MTMR8: variants seen among roughly 807,000 people sequenced by gnomAD.
MTMR8 encodes the protein phosphatidylinositol-3,5-bisphosphate 3-phosphatase MTMR8.
MTMR8 carries 65 observed loss-of-function variants against 39.3 expected under a neutral mutation model. The ratio of observed to expected loss-of-function variants is 1.65; its 90% CI spans 1.35 to 2.03. The LOEUF (loss-of-function observed/expected upper bound fraction) is 2.03. Among genes scored for constraint, MTMR8 ranks in the 30% most tolerant of loss-of-function variants. MTMR8 has a pLI of 0.00. For missense variants in MTMR8, 777 were observed against 538.9 expected (o/e 1.44, Z -4.37); for synonymous variants, 245 against 185.2 (o/e 1.32, Z -2.62).
intron 1 of MTMR8, among the ~76,000 whole-genome samples, chrX:64,390,441 A>T (rs923036862): frequency 8.9e-6 from 1 of 111,770 alleles, no homozygotes; most frequent in African/African-American, 3.3e-5. Flanking sequence ...AGTTTATTAT[A>T]GTCTGAACAA....
chrX:64,278,712 T>G (rs1238885965), intron 12 of MTMR8, among the ~76,000 whole-genome samples: 3 of 110,199 alleles, frequency 2.7e-5, no homozygotes, highest in Non-Finnish European at 5.7e-5. Flanking sequence ...GACCTTGTGA[T>G]CTGCCCGCCT....
intron 1 of MTMR8, among the ~76,000 whole-genome samples, chrX:64,374,770 C>T (rs1169368047): frequency 9.0e-6 from 1 of 110,577 alleles, no homozygotes; most frequent in Non-Finnish European, 1.9e-5. Flanking sequence ...AAGATGAAAT[C>T]ATCCAGGACT....
At chrX:64,271,827 C>T (rs1931768612) in intron 12 of MTMR8, among the ~76,000 whole-genome samples, 1 of 112,073 alleles carries the variant, frequency 8.9e-6, no homozygotes, top group Non-Finnish European at 1.9e-5. Flanking sequence ...TAGGCATGTA[C>T]CACAGCTCCT....
chrX:64,310,703 A>G (rs374716340), intron 12 of MTMR8, among the ~76,000 whole-genome samples: 146 of 108,853 alleles, frequency 1.3e-3, no homozygotes, highest in East Asian at 9.9e-3. Flanking sequence ...CCCTGTGTCC[A>G]AGTGTTCTCA....
intron 4 of MTMR8, among the ~76,000 whole-genome samples, chrX:64,352,509 C>T (rs1411312542): frequency 9.0e-6 from 1 of 111,276 alleles, no homozygotes; most frequent in Non-Finnish European, 1.9e-5. Context: ...TCTTGAGATC[C>T]AAACCCAAAT....
chrX:64,370,108 A>G (rs1924088548), intron 1 of MTMR8, among the ~76,000 whole-genome samples: 1 of 111,309 alleles, frequency 9.0e-6, no homozygotes, highest in Non-Finnish European at 1.9e-5. Context: ...CTTTTCATGG[A>G]CCAATGATGA....
rs189534882 is a variant in MTMR8, at chrX:64,279,337, A to C, written c.1482-8264T>G. ...TGCAAAAATCTTCATGAAAATACTA[A>C]ACATCATACTCAATGTTGAAAGACT... On this transcript the variant is annotated intron_variant, in intron 12 of 13. Coordinates refer to ENST00000374852, the MANE Select transcript of MTMR8 (RefSeq NM_017677.4). Among the ~76,000 whole-genome samples the C allele has an allele frequency of 1.4e-3, 157 of 112,218 alleles. 1 individual carries two copies. The highest frequency in any genetic ancestry group is 4.6e-3 in the Middle Eastern group (1 of 216).
At chrX:64,315,602 CTTT>C (rs998927765) in intron 12 of MTMR8, among the ~76,000 whole-genome samples, 1 of 107,264 alleles carries the variant, frequency 9.3e-6, no homozygotes, top group Non-Finnish European at 1.9e-5. Flanking sequence ...TCTTTCCATC[CTTT>C]TTTTTTTACT....
chrX:64,320,181 T>G (rs1263242696), intron 12 of MTMR8, among the ~76,000 whole-genome samples: 1 of 111,562 alleles, frequency 9.0e-6, no homozygotes, highest in Non-Finnish European at 1.9e-5. Context: ...GAATGAGAGT[T>G]CATTCATGAT....
At chrX:64,367,226 A>G (rs1056806525) in intron 1 of MTMR8, among the ~76,000 whole-genome samples, 1 of 112,259 alleles carries the variant, frequency 8.9e-6, no homozygotes, top group Non-Finnish European at 1.9e-5. Flanking sequence ...TCAAATCAAT[A>G]GAAAAAGAGG....
chrX:64,393,037 A>C (rs751405714), intron 1 of MTMR8, among the ~76,000 whole-genome samples: 1 of 112,352 alleles, frequency 8.9e-6, no homozygotes, highest in East Asian at 2.8e-4. Flanking sequence ...TTCTGCTTAA[A>C]GAATCAAGTC....
intron 1 of MTMR8, among the ~76,000 whole-genome samples, chrX:64,391,777 G>A (rs1246289978): frequency 8.9e-6 from 1 of 112,078 alleles, no homozygotes; most frequent in Non-Finnish European, 1.9e-5. Context: ...TCTTATAGAT[G>A]AAGAAACTGA....
intron 12 of MTMR8, among the ~76,000 whole-genome samples, chrX:64,281,171 C>T (rs1180326637): frequency 9.0e-6 from 1 of 111,644 alleles, no homozygotes; most frequent in African/African-American, 3.2e-5. Context: ...GAACTATTGA[C>T]ATTTTACATA....
chrX:64,392,675 A>G (rs1464948308), intron 1 of MTMR8, among the ~76,000 whole-genome samples: 1 of 111,139 alleles, frequency 9.0e-6, no homozygotes, highest in African/African-American at 3.3e-5. Context: ...AGCACAATGA[A>G]TACTTCCAAT....
intron 12 of MTMR8, among the ~76,000 whole-genome samples, chrX:64,314,778 G>T (rs776123442): frequency 2.9e-4 from 33 of 112,377 alleles, no homozygotes; most frequent in Admixed American, 6.5e-4. Flanking sequence ...TGTATTGTGG[G>T]TATCGAGTGG....
At chrX:64,359,381 T>G (rs1923715919) in intron 2 of MTMR8, 24 bp downstream of exon 2, 2 of 1,192,263 alleles carry the variant, frequency 1.7e-6, no homozygotes. Context: ...TAAGACTCTT[T>G]GATACTTCTT....
chrX:64,323,805 C>T (rs1050347254), intron 12 of MTMR8, among the ~76,000 whole-genome samples: 1 of 112,025 alleles, frequency 8.9e-6, no homozygotes, highest in Non-Finnish European at 1.9e-5. Flanking sequence ...ACAACATGCT[C>T]TTATATGACC....
At chrX:64,296,988 C>A (rs1402185942) in intron 12 of MTMR8, among the ~76,000 whole-genome samples, 1 of 102,585 alleles carries the variant, frequency 9.7e-6, no homozygotes, top group Admixed American at 1.1e-4. Context: ...CATTGTTGGA[C>A]ATTTGGCTTG....
chrX:64,272,744 G>C (rs1194683794), intron 12 of MTMR8, among the ~76,000 whole-genome samples: 1 of 111,207 alleles, frequency 9.0e-6, no homozygotes, highest in East Asian at 2.8e-4. Context: ...ATTGTCAAAA[G>C]TCAAAGACAG....
Sources: allele counts gnomAD v4.1 joint callset (sites outside exome capture counted in the v4.1 genomes callset), GRCh38; gene constraint gnomAD v4.1.1; transcripts MANE v1.5; gene names NCBI Gene and HGNC (gene_info 2026-07-23, HGNC 2026-07-21).